TLK1: variants seen among roughly 807,000 people sequenced by gnomAD.
TLK1 encodes the protein tousled like kinase 1.
Under a neutral mutation model 105.3 loss-of-function variants are expected in TLK1, and 24 were observed. The observed-to-expected ratio is 0.23, with a 90% confidence interval of 0.17 to 0.32. The LOEUF is 0.32. Ranked by LOEUF, TLK1 falls within the 10% of genes least tolerant of loss-of-function variation. The pLI is 1.00. For synonymous variants in TLK1, 321 were observed against 310.4 expected, an observed-to-expected ratio of 1.03 and a Z score of -0.36; for missense variants, 558 against 910.5, an observed-to-expected ratio of 0.61 and a Z score of 4.98.
chr2:171,037,448 A>C (rs1204390652), intron 11 of TLK1, among the ~76,000 whole-genome samples: 1 of 151,752 alleles, frequency 6.6e-6, no homozygotes, highest in African/African-American at 2.4e-5. Flanking sequence ...TCTCAAAAAA[A>C]AAAAAAAACA....
intron 12 of TLK1, among the ~76,000 whole-genome samples, chr2:171,023,745 T>C (rs1297602254): frequency 6.6e-6 from 1 of 152,238 alleles, no homozygotes; most frequent in Non-Finnish European, 1.5e-5. Flanking sequence ...TTCAAGGAAG[T>C]TGATTTTGCA....
chr2:171,061,168 A>C lies in TLK1; in HGVS notation c.331-12T>G, dbSNP rs771248088. 6.2e-7 allele frequency: 1 copy of C among 1,612,054 alleles called. No individual in the cohort carries two copies. Among genetic ancestry groups the C allele is most frequent in the South Asian group, 1.1e-5 (1 of 90,616 alleles). On this transcript the variant is annotated splice_polypyrimidine_tract_variant and intron_variant, in intron 3 of 20. Transcript: ENST00000431350. ...TTCTTCTCCGGTGTCTACAGAAAAC[A>C]AGATAACAGATTTTTAAATGACAGT...
At chr2:171,027,470 G>T (rs1685827339) in intron 12 of TLK1, among the ~76,000 whole-genome samples, 1 of 152,140 alleles carries the variant, frequency 6.6e-6, no homozygotes, top group South Asian at 2.1e-4. Context: ...CAAGTAGAAA[G>T]ATACACATTA....
chr2:171,160,522 A>C lies in TLK1; in HGVS notation c.-94T>G. 3 of 1,449,954 alleles carry C rather than the reference A, an allele frequency of 2.1e-6. No homozygotes were observed. Among genetic ancestry groups the C allele is most frequent in the Non-Finnish European group, 2.7e-6 (3 of 1,093,034 alleles). 89.8% of individuals were successfully genotyped at this position (1,449,954 alleles called of 1,614,324 possible). The stretch of plus-strand genomic sequence containing the variant: ...CTCCGTCATGGCGGGGGCCGCGCTG[A>C]GGGCGAGCGAGAGAGCGAGGGCTGG... On this transcript the variant is annotated 5_prime_UTR_variant, in exon 1 of 21. Transcript: ENST00000431350. The surrounding 1 kb of genome is among the most constrained non-coding windows in gnomAD (Gnocchi z 4.4).
chr2:171,100,919 C>G (rs1022178427), intron 2 of TLK1, among the ~76,000 whole-genome samples: 2 of 152,294 alleles, frequency 1.3e-5, no homozygotes, highest in Non-Finnish European at 2.9e-5. Context: ...AAACAACCAC[C>G]CAATGTCCAA....
chr2:171,142,739 GAAAC>G (rs1228365007), intron 1 of TLK1, among the ~76,000 whole-genome samples: 3 of 152,176 alleles, frequency 2.0e-5, no homozygotes, highest in Non-Finnish European at 2.9e-5. Flanking sequence ...ATCTGAAACA[GAAAC>G]AAACTTGATA....
At chr2:171,155,303 C>T (rs1692190878) in intron 1 of TLK1, among the ~76,000 whole-genome samples, 1 of 152,148 alleles carries the variant, frequency 6.6e-6, no homozygotes, top group Non-Finnish European at 1.5e-5. Flanking sequence ...TATTACAACT[C>T]TACTAAACTG....
chr2:171,100,912 C>T (rs1371118903), intron 2 of TLK1, among the ~76,000 whole-genome samples: 2 of 152,128 alleles, frequency 1.3e-5, no homozygotes, highest in African/African-American at 2.4e-5. Context: ...AAAACGGAAA[C>T]AACCACCCAA....
intron 2 of TLK1, among the ~76,000 whole-genome samples, chr2:171,084,757 T>C (rs28439684): frequency 0.016 from 2,447 of 151,906 alleles, 74 homozygotes; most frequent in African/African-American, 0.055. Context: ...CTAAGAGATA[T>C]TACAAAAAGG....
At chr2:171,181,609 G>A (rs1207664966) in intron 1 of TLK1, among the ~76,000 whole-genome samples, 3 of 152,200 alleles carry the variant, frequency 2.0e-5, no homozygotes, top group Non-Finnish European at 2.9e-5. Context: ...AAGGGGAACT[G>A]TTGTGTGCAG....
chr2:171,012,438 A>C (rs1406887914), intron 13 of TLK1, among the ~76,000 whole-genome samples: 1 of 152,200 alleles, frequency 6.6e-6, no homozygotes, highest in Non-Finnish European at 1.5e-5. Flanking sequence ...CACTTTCAAA[A>C]AAAAAGTCAG....
intron 1 of TLK1, among the ~76,000 whole-genome samples, chr2:171,145,525 G>A (rs1421971372): frequency 6.6e-6 from 1 of 151,998 alleles, no homozygotes; most frequent in East Asian, 1.9e-4. Flanking sequence ...GGGAAGCGGA[G>A]GCTGCAGTGA....
At chr2:171,180,910 G>A (rs1019501315) in intron 1 of TLK1, among the ~76,000 whole-genome samples, 2 of 149,648 alleles carry the variant, frequency 1.3e-5, no homozygotes, top group African/African-American at 4.9e-5. Context: ...TAGGTCTAAT[G>A]CAAATGTTAA....
intron 14 of TLK1, among the ~76,000 whole-genome samples, chr2:171,010,105 T>A (rs1320417449): frequency 6.6e-6 from 1 of 151,982 alleles, no homozygotes; most frequent in Non-Finnish European, 1.5e-5. Context: ...AAGAAGACAA[T>A]CAGCTATGAG....
At chr2:171,015,146 C>T (rs953163964) in intron 12 of TLK1, among the ~76,000 whole-genome samples, 198 bp from the exon 13 acceptor site, 7 of 151,878 alleles carry the variant, frequency 4.6e-5, no homozygotes, top group Non-Finnish European at 7.4e-5. Flanking sequence ...TTGAAGAAAC[C>T]ATCCTCCACA....
chr2:170,994,055 A>G, intron 20 of TLK1, 99 bp from the exon 21 acceptor site: 1 of 1,271,578 alleles, frequency 7.9e-7, no homozygotes. Flanking sequence ...TTAAGACATA[A>G]GTAGATCTCA....
chr2:171,051,046 T>TA (rs1160127169), intron 8 of TLK1, among the ~76,000 whole-genome samples: 1 of 152,138 alleles, frequency 6.6e-6, no homozygotes, highest in Non-Finnish European at 1.5e-5. Context: ...AACCTAAAAT[T>TA]AGATACCCAA....
At chr2:171,050,242 A>G in intron 8 of TLK1, 68 bp from the exon 9 acceptor site, 1 of 1,091,724 alleles carries the variant, frequency 9.2e-7, no homozygotes, top group East Asian at 2.6e-5. Flanking sequence ...AATAGTTTTA[A>G]TGTTCTAAAT....
chr2:171,084,196 C>G (rs3770423), intron 2 of TLK1, among the ~76,000 whole-genome samples: 50,345 of 151,836 alleles, frequency 0.33, 8,743 homozygotes, highest in African/African-American at 0.38. Flanking sequence ...CAAAAGACAC[C>G]TAAAACAGCC....
Sources: allele counts gnomAD v4.1 joint callset (sites outside exome capture counted in the v4.1 genomes callset), GRCh38; gene constraint gnomAD v4.1.1; non-coding constraint Gnocchi (gnomAD v3.1); transcripts MANE v1.5; gene names NCBI Gene and HGNC (gene_info 2026-07-23, HGNC 2026-07-21).